ZNF407: variants seen among roughly 807,000 people sequenced by gnomAD.
The protein encoded by ZNF407 is zinc finger protein 407.
Under a neutral mutation model 131.2 loss-of-function variants are expected in ZNF407, and 17 were observed. The observed-to-expected ratio is 0.13, with a 90% CI of 0.09 to 0.19. The LOEUF is 0.19. Among genes scored for constraint, ZNF407 ranks in the 10% least tolerant of loss-of-function variants. The pLI, the probability that ZNF407 is intolerant of heterozygous loss-of-function variation, is 1.00. For missense variants in ZNF407, 2,681 were observed against 2,830.6 expected, an observed-to-expected ratio of 0.95 and a Z score of 1.20; for synonymous variants, 1,156 against 1,062.0, an observed-to-expected ratio of 1.09 and a Z score of -1.72.
chr18:74,979,034 A>C (rs1568289677), intron 8 of ZNF407, among the ~76,000 whole-genome samples: 1 of 152,160 alleles, frequency 6.6e-6, no homozygotes, highest in Non-Finnish European at 1.5e-5. Flanking sequence ...CTGAGAGAGA[A>C]GGGACGACTT....
intron 3 of ZNF407, among the ~76,000 whole-genome samples, chr18:74,761,450 G>T (rs1240698263): frequency 6.6e-6 from 1 of 151,812 alleles, no homozygotes; most frequent in African/African-American, 2.4e-5. Flanking sequence ...AAAGCACATT[G>T]TCTGAAAATA....
intron 3 of ZNF407, among the ~76,000 whole-genome samples, chr18:74,779,103 A>ATTTTTTTTTTTT (rs1969538914): frequency 3.7e-5 from 1 of 26,910 alleles, no homozygotes; most frequent in Admixed American, 7.8e-4. Flanking sequence ...ATATATATAT[A>ATTTTTTTTTTTT]TATATATTTT....
At chr18:74,861,932 T>A (rs1970943256) in intron 4 of ZNF407, among the ~76,000 whole-genome samples, 1 of 152,218 alleles carries the variant, frequency 6.6e-6, no homozygotes, top group Non-Finnish European at 1.5e-5. Flanking sequence ...GACTTTCAAG[T>A]CACATAGAGT....
intron 3 of ZNF407, among the ~76,000 whole-genome samples, chr18:74,780,929 T>C (rs1296331779): frequency 6.6e-6 from 1 of 152,202 alleles, no homozygotes; most frequent in African/African-American, 2.4e-5. Context: ...TTTTGTGCTA[T>C]AGATACAGTA....
chr18:75,029,990 A>T (rs997001556), intron 8 of ZNF407, among the ~76,000 whole-genome samples: 1 of 152,218 alleles, frequency 6.6e-6, no homozygotes, highest in African/African-American at 2.4e-5. Flanking sequence ...TTTCCTGTAA[A>T]TGTGTGCAAA....
At chr18:74,761,515 C>T (rs1359231743) in intron 3 of ZNF407, among the ~76,000 whole-genome samples, 1 of 151,994 alleles carries the variant, frequency 6.6e-6, no homozygotes, top group African/African-American at 2.4e-5. Context: ...TTAGAGATAT[C>T]TAAATAGTTG....
Position 74,766,077 on chromosome 18 carries a change from G to A in ZNF407, c.4803-15351G>A, listed in dbSNP as rs893534052. Among the ~76,000 whole-genome samples, 14 of 151,388 alleles carry A rather than the reference G, an allele frequency of 9.2e-5. 1 individual carries two copies. The highest frequency in any genetic ancestry group is 4.6e-4 in the Admixed American group (7 of 15,180). ...TGTGTCTGTGTCTGTGTGTCTGTGTGTGTGTGGCTGTGTGAATAAAGTTAA... is the reference window on the plus strand; with the variant it reads ...TGTGTCTGTGTCTGTGTGTCTGTGTATGTGTGGCTGTGTGAATAAAGTTAA... On this transcript the variant is annotated intron_variant, in intron 3 of 8. Coordinates refer to ENST00000299687, the MANE Select transcript of ZNF407 (RefSeq NM_017757.3).
At chr18:75,007,585 T>C (rs1972926291) in intron 8 of ZNF407, among the ~76,000 whole-genome samples, 1 of 152,244 alleles carries the variant, frequency 6.6e-6, no homozygotes, top group Non-Finnish European at 1.5e-5. Flanking sequence ...GAGGTCTGAA[T>C]GCAAAACGTT....
chr18:74,697,862 ATTTAT>A (rs1967395391), intron 3 of ZNF407, among the ~76,000 whole-genome samples: 1 of 152,224 alleles, frequency 6.6e-6, no homozygotes, highest in Non-Finnish European at 1.5e-5. Context: ...GTTTTGAAAC[ATTTAT>A]TTTGAAGAGC....
chr18:74,873,494 GAAGA>G (rs1191822130), intron 4 of ZNF407, among the ~76,000 whole-genome samples: 3 of 152,202 alleles, frequency 2.0e-5, no homozygotes, highest in African/African-American at 7.2e-5. Flanking sequence ...ACATAGTAGT[GAAGA>G]AAGAAACCTC....
At chr18:74,598,086 C>G (rs1345004464) in intron 1 of ZNF407, 149 bp downstream of exon 1, 1 of 151,466 alleles carries the variant, frequency 6.6e-6, no homozygotes, top group East Asian at 2.0e-4. Context: ...TCTCCTCCCC[C>G]CTCCCCCCGC....
At chr18:74,736,282 G>C (rs774282051) in intron 3 of ZNF407, among the ~76,000 whole-genome samples, 1 of 152,056 alleles carries the variant, frequency 6.6e-6, no homozygotes, top group Non-Finnish European at 1.5e-5. Flanking sequence ...ATTTTAGGTA[G>C]AATTATTTTG....
chr18:74,752,007 A>G (rs980670774), intron 3 of ZNF407, among the ~76,000 whole-genome samples: 1 of 152,072 alleles, frequency 6.6e-6, no homozygotes, highest in Non-Finnish European at 1.5e-5. Context: ...AAGTGTTCCT[A>G]TTTCTCCATA....
At chr18:75,043,510 C>G (rs1973397716) in intron 8 of ZNF407, among the ~76,000 whole-genome samples, 1 of 152,184 alleles carries the variant, frequency 6.6e-6, no homozygotes, top group Non-Finnish European at 1.5e-5. Flanking sequence ...CTGCCTGCCT[C>G]CCTCCATCCC....
intron 4 of ZNF407, among the ~76,000 whole-genome samples, chr18:74,794,340 T>C (rs924925111): frequency 6.6e-6 from 1 of 152,176 alleles, no homozygotes; most frequent in Admixed American, 6.5e-5. Flanking sequence ...TTTTTCTCTT[T>C]AGTGGCGTAA....
At chr18:74,888,729 A>G (rs1971344976) in intron 6 of ZNF407, among the ~76,000 whole-genome samples, 1 of 152,210 alleles carries the variant, frequency 6.6e-6, no homozygotes, top group African/African-American at 2.4e-5. Flanking sequence ...AGCTAGTGGA[A>G]TTAAAAGCCG....
At chr18:74,601,490 A>G (rs1488192080) in intron 1 of ZNF407, among the ~76,000 whole-genome samples, 1 of 152,076 alleles carries the variant, frequency 6.6e-6, no homozygotes, top group Non-Finnish European at 1.5e-5. Flanking sequence ...GAGATAGCCA[A>G]GGCTGGGTAA....
At chr18:74,699,426 G>T (rs376036796) in intron 3 of ZNF407, among the ~76,000 whole-genome samples, 5 of 152,150 alleles carry the variant, frequency 3.3e-5, no homozygotes, top group Non-Finnish European at 7.3e-5. Flanking sequence ...GGGTACTTGC[G>T]TATGGGAGCC....
chr18:74,811,232 C>T (rs1970190119), intron 4 of ZNF407, among the ~76,000 whole-genome samples: 5 of 152,202 alleles, frequency 3.3e-5, no homozygotes. Context: ...GCAGACACTT[C>T]TCAAAAGAAG....
Sources: allele counts gnomAD v4.1 joint callset (sites outside exome capture counted in the v4.1 genomes callset), GRCh38; gene constraint gnomAD v4.1.1; transcripts MANE v1.5; gene names NCBI Gene and HGNC (gene_info 2026-07-23, HGNC 2026-07-21).